Variants in RRBP1 observed in about 807,000 individuals in gnomAD.
RRBP1 encodes the protein ribosome binding protein 1, also known as ribosome-binding protein 1.
Under a neutral mutation model 165.2 loss-of-function variants are expected in RRBP1, and 94 were observed. The observed-to-expected ratio is 0.57, with a 90% confidence interval of 0.48 to 0.68. The LOEUF (loss-of-function observed/expected upper bound fraction) is 0.68. Ranked by LOEUF, RRBP1 falls within the 30% of genes least tolerant of loss-of-function variation. RRBP1 has a pLI of 0.00. For synonymous variants in RRBP1, 680 were observed against 714.5 expected (o/e 0.95, Z 0.77); for missense variants, 1,676 against 1,763.0 (o/e 0.95, Z 0.88).
At chr20:17,641,521 C>T in intron 5 of RRBP1, 1 of 519,818 alleles carries the variant, frequency 1.9e-6, no homozygotes. Context: ...CAAACTGATG[C>T]TGCTTAACTT....
intron 20 of RRBP1, 116 bp downstream of exon 20, chr20:17,618,480 T>C: frequency 1.2e-6 from 1 of 868,982 alleles, no homozygotes; most frequent in African/African-American, 1.6e-5. Context: ...CGGGTGACAC[T>C]GTCCCTTCCC....
chr20:17,639,808 G>A lies in RRBP1; in HGVS notation c.2184+1989C>T, dbSNP rs1458717209. Among the ~76,000 whole-genome samples the A allele has an allele frequency of 5.3e-5, 8 of 151,248 alleles. No individual in the cohort carries two copies. The East Asian group carries it at 9.8e-4, about 19-fold the overall frequency. On this transcript the variant is annotated intron_variant, in intron 5 of 24. Transcript: ENST00000377813. ...CTTGGGAGGCTGAGACAGGAGAATC[G>A]CTTGAACCCGGGAGGCGGAGGTTGC... is the stretch of plus-strand genomic sequence containing the variant.
rs2036196213 is a variant in RRBP1 at position 17,633,683 on chromosome 20, T to C, written c.2457-70A>G. On this transcript the variant is annotated intron_variant, in intron 7 of 24. Coordinates refer to ENST00000377813, the MANE Select transcript of RRBP1 (RefSeq NM_001365613.2). ...TGGGATCGGTGGTCCAAGCCCTCCC[T>C]CCAGGACTCCAGCTCTCTTGTAAGT... 5.4e-6 allele frequency: 8 copies of C among 1,489,716 alleles called. No homozygotes were observed. The South Asian group carries it at 9.9e-5, about 18-fold the overall frequency. The allele number at this position is 1,489,716 out of a possible 1,614,324, so 92.3% of individuals were successfully genotyped here.
intron 5 of RRBP1, among the ~76,000 whole-genome samples, chr20:17,638,126 C>CA (rs1232370392): frequency 6.6e-6 from 1 of 152,200 alleles, no homozygotes; most frequent in Non-Finnish European, 1.5e-5. Flanking sequence ...GACAGCTTAG[C>CA]GGTGATTCCA....
intron 3 of RRBP1, among the ~76,000 whole-genome samples, chr20:17,647,051 T>C (rs6080758): frequency 0.14 from 21,806 of 152,294 alleles, 1,734 homozygotes; most frequent in Middle Eastern, 0.24. Flanking sequence ...ATTATCGCCT[T>C]GGCCCTGGGA....
chr20:17,623,545 C>T (rs1456314008), intron 13 of RRBP1, among the ~76,000 whole-genome samples: 2 of 152,230 alleles, frequency 1.3e-5, no homozygotes, highest in Admixed American at 6.5e-5. Flanking sequence ...CACCTGCACA[C>T]GCCCCACCTG....
At chr20:17,660,986 G>C (rs2036755773) in intron 2 of RRBP1, among the ~76,000 whole-genome samples, 1 of 152,044 alleles carries the variant, frequency 6.6e-6, no homozygotes, top group South Asian at 2.1e-4. Context: ...CTAGAAATGT[G>C]ATTGCTGAGT....
chr20:17,642,244 G>C (rs1385725219), intron 4 of RRBP1, among the ~76,000 whole-genome samples: 2 of 152,244 alleles, frequency 1.3e-5, no homozygotes, highest in Non-Finnish European at 2.9e-5. Context: ...CCCGAGCCGG[G>C]CGTGCAGCCC....
At chr20:17,681,319 G>A (rs1470495542) in intron 1 of RRBP1, among the ~76,000 whole-genome samples, 1 of 146,152 alleles carries the variant, frequency 6.8e-6, no homozygotes, top group South Asian at 2.1e-4. Flanking sequence ...GGAGCAGGGA[G>A]CCGCCTCCCG....
intron 4 of RRBP1, among the ~76,000 whole-genome samples, chr20:17,642,177 G>A (rs1484097514): frequency 1.3e-5 from 2 of 152,252 alleles, no homozygotes; most frequent in Non-Finnish European, 2.9e-5. Context: ...ATTTAGGAGT[G>A]TGGTGTTGCC....
intron 4 of RRBP1, 22 bp from the exon 5 acceptor site, chr20:17,641,941 T>C (rs2036370248): frequency 6.2e-7 from 1 of 1,605,838 alleles, no homozygotes. Context: ...CAGAGATGCG[T>C]TAACAGAGGG....
chr20:17,673,117 T>C (rs2037010409), intron 2 of RRBP1, among the ~76,000 whole-genome samples: 2 of 152,210 alleles, frequency 1.3e-5, no homozygotes, highest in South Asian at 4.1e-4. Context: ...TCTGTATATA[T>C]TTTACTTTAA....
chr20:17,646,637 G>A (rs1485122937), intron 3 of RRBP1, among the ~76,000 whole-genome samples: 1 of 152,172 alleles, frequency 6.6e-6, no homozygotes, highest in Non-Finnish European at 1.5e-5. Context: ...CAGCATGGCC[G>A]GCCTTCAAGC....
intron 16 of RRBP1, 81 bp from the exon 17 acceptor site, chr20:17,620,888 C>A (rs944164516): frequency 2.0e-6 from 2 of 1,024,800 alleles, no homozygotes; most frequent in Non-Finnish European, 2.9e-6. Context: ...GTCCCTGCAG[C>A]CCTGGTGACC....
At position 17,643,277 on chromosome 20, in the gene RRBP1, C is replaced by T; in HGVS notation, c.1913-150G>A. On this transcript the variant is annotated intron_variant, in intron 3 of 24. Coordinates refer to ENST00000377813, the MANE Select transcript of RRBP1 (RefSeq NM_001365613.2). The surrounding 1 kb of genome is among the most constrained non-coding windows in gnomAD (Gnocchi z 4.3). ...CAGCAGGCTGAGCATGGCGAGTCTG[C>T]TCCAGTGTCTCCTGCTCTTTCAGGA... The T allele has an allele frequency of 1.4e-6, 1 of 720,246 alleles. No homozygotes were observed. The highest frequency in any genetic ancestry group is 2.3e-6 in the Non-Finnish European group (1 of 439,766). 44.6% of individuals were successfully genotyped at this position (720,246 alleles called of 1,614,324 possible).
At position 17,659,403 on chromosome 20, in the gene RRBP1, C is replaced by T. The variant is rs1193938959; in HGVS notation, c.1105G>A (p.Gly369Ser). Residue 369 changes from glycine (G) to serine (S), a missense_variant, in exon 3 of 25, where the codon GGC (glycine) becomes AGC (serine). Coordinates refer to ENST00000377813, the MANE Select transcript of RRBP1 (RefSeq NM_001365613.2). ...TTCTGAGCCCCCTCAGCCTTCTTGCCCTGATTCTGGGCCCCCTCGGCCTTC... is the reference window on the plus strand; with the variant it reads ...TTCTGAGCCCCCTCAGCCTTCTTGCTCTGATTCTGGGCCCCCTCGGCCTTC... ...GKKAEGAQNQ[G>S]KKAEGAQNQG... 29 of 1,522,966 alleles carry T rather than the reference C, an allele frequency of 1.9e-5. No homozygotes were observed. Among genetic ancestry groups the T allele is most frequent in the Non-Finnish European group, 2.6e-5 (29 of 1,137,216 alleles). The allele number at this position is 1,522,966 out of a possible 1,614,324, so 94.3% of individuals were successfully genotyped here. A position where few individuals can be genotyped will look rare whatever the true frequency, so the allele number is the denominator to read the frequency against.
At chr20:17,645,635 A>C (rs1328643972) in intron 3 of RRBP1, among the ~76,000 whole-genome samples, 3 of 152,254 alleles carry the variant, frequency 2.0e-5, no homozygotes, top group African/African-American at 7.2e-5. Context: ...AAGCCCTCAG[A>C]AGCAGAGGCA....
intron 8 of RRBP1, among the ~76,000 whole-genome samples, chr20:17,631,655 T>A (rs1197720272): frequency 6.6e-6 from 1 of 152,256 alleles, no homozygotes; most frequent in Non-Finnish European, 1.5e-5. Flanking sequence ...TCTAGAAGGA[T>A]GTCATCAGCA....
chr20:17,627,532 C>G lies in RRBP1; in HGVS notation c.2900G>C (p.Gly967Ala). The G allele has an allele frequency of 6.2e-7, 1 of 1,612,142 alleles. No homozygotes were observed. The highest frequency in any genetic ancestry group is 8.5e-7 in the Non-Finnish European group (1 of 1,179,174). ...IRSIEALLEAGQARDAQDVQA... is the reference protein window; with the variant it reads ...IRSIEALLEAAQARDAQDVQA... The stretch of plus-strand genomic sequence containing the variant: ...GACGTCCTGGGCATCCCGCGCCTGG[C>G]CCGCCTCCAGCAGGGCCTCAATGGA... Residue 967 changes from glycine (G) to alanine (A), a missense_variant, in exon 10 of 25, where the codon GGC becomes GCC. Transcript: ENST00000377813.
Sources: allele counts gnomAD v4.1 joint callset (sites outside exome capture counted in the v4.1 genomes callset), GRCh38; gene constraint gnomAD v4.1.1; non-coding constraint Gnocchi (gnomAD v3.1); transcripts MANE v1.5; gene names NCBI Gene and HGNC (gene_info 2026-07-23, HGNC 2026-07-21).